AGAP1: variants seen among roughly 807,000 people sequenced by gnomAD.
AGAP1 encodes the protein ArfGAP with GTPase domain, ankyrin repeat and PH domain 1, also known as arf-GAP with GTPase, ANK repeat and PH domain-containing protein 1.
In AGAP1, 29 loss-of-function variants were observed where a neutral mutation model predicts 105.3. The observed-to-expected ratio is 0.28, with a 90% CI of 0.21 to 0.38. AGAP1 has a LOEUF of 0.38. AGAP1 is among the 10% of genes least tolerant of loss of function. The pLI, the probability that AGAP1 is intolerant of heterozygous loss-of-function variation, is 1.00. For missense variants in AGAP1, 998 were observed against 1,165.1 expected (o/e 0.86, Z 2.09); for synonymous variants, 509 against 485.9 (o/e 1.05, Z -0.63).
At chr2:235,764,085 C>A in intron 6 of AGAP1, among the ~76,000 whole-genome samples, 1 of 152,066 alleles carries the variant, frequency 6.6e-6, no homozygotes, top group Non-Finnish European at 1.5e-5. Context: ...GTGGCTGTGA[C>A]ATGTGGAGGC....
chr2:235,640,135 A>G (rs1349887696), intron 1 of AGAP1, among the ~76,000 whole-genome samples: 1 of 152,236 alleles, frequency 6.6e-6, no homozygotes, highest in African/African-American at 2.4e-5. Context: ...GGTGAGGTGG[A>G]CAGTTGCTCT....
intron 13 of AGAP1, among the ~76,000 whole-genome samples, chr2:236,031,050 A>G (rs537749987): frequency 2.0e-5 from 3 of 152,198 alleles, no homozygotes; most frequent in Non-Finnish European, 4.4e-5. Context: ...TAGCAAATCT[A>G]TGTGATGCAT....
At chr2:235,952,048 A>G (rs1001372310) in intron 12 of AGAP1, among the ~76,000 whole-genome samples, 2 of 152,164 alleles carry the variant, frequency 1.3e-5, no homozygotes, top group Middle Eastern at 3.2e-3. Context: ...CATAAGCCTC[A>G]TCTTCTCATT....
chr2:235,807,524 C>T (rs539728551), intron 9 of AGAP1, among the ~76,000 whole-genome samples, 193 bp downstream of exon 9: 9 of 152,358 alleles, frequency 5.9e-5, no homozygotes, highest in Middle Eastern at 3.4e-3. Flanking sequence ...GAAGAGGGAA[C>T]GGAGACAACA....
intron 16 of AGAP1, among the ~76,000 whole-genome samples, chr2:236,075,182 T>G (rs1385318426): frequency 6.6e-6 from 1 of 152,116 alleles, no homozygotes; most frequent in Non-Finnish European, 1.5e-5. Flanking sequence ...AAATTTCAGG[T>G]GGGCATGAGG....
In AGAP1 at chr2:235,559,911, G is replaced by A. The variant is rs1325446146; in HGVS notation, c.163+65062G>A. Reference sequence around the variant, plus strand: ...TAGACACTTATTAGATATATGATTTGCAAATATATTCTTTTTTTCTGTGGT... The same window carrying A: ...TAGACACTTATTAGATATATGATTTACAAATATATTCTTTTTTTCTGTGGT... On this transcript the variant is annotated intron_variant, in intron 1 of 17. Coordinates refer to ENST00000304032, the MANE Select transcript of AGAP1 (RefSeq NM_001037131.3). This position sits in a 1 kb window ranked among gnomAD's most constrained non-coding sequence, Gnocchi z 5.7. Among the ~76,000 whole-genome samples the A allele has an allele frequency of 6.6e-6, 1 of 151,892 alleles. No homozygotes were observed. The highest frequency in any genetic ancestry group is 1.9e-4 in the East Asian group (1 of 5,188).
chr2:235,614,337 G>A lies in AGAP1; in HGVS notation c.164-94842G>A, dbSNP rs1946238567. 6.6e-6 allele frequency among the ~76,000 whole-genome samples: 1 copy of A among 152,114 alleles called. No individual in the cohort carries two copies. The highest frequency in any genetic ancestry group is 6.5e-5 in the Admixed American group (1 of 15,284). On this transcript the variant is annotated intron_variant, in intron 1 of 17. Transcript: ENST00000304032. The surrounding 1 kb of genome is among the most constrained non-coding windows in gnomAD (Gnocchi z 4.7). The stretch of plus-strand genomic sequence containing the variant: ...GATCCGGAAAGGGCTGCTGGCGAGT[G>A]GGAGTTTTCTAGGGAGCCGCTGCTC...
rs1001758578 is a variant in AGAP1 at position 235,930,471 on chromosome 2, G to A, written c.1325-294G>A. 6.6e-5 allele frequency among the ~76,000 whole-genome samples: 10 copies of A among 152,188 alleles called. No homozygotes were observed. Among genetic ancestry groups the A allele is most frequent in the South Asian group, 2.1e-4 (1 of 4,824 alleles). ...GGGTCTTTTGTCTTCACTTCCACTC[G>A]ATGTTGCGGTTGCGGTTGGGTTGCG... On this transcript the variant is annotated intron_variant, in intron 11 of 17. Coordinates refer to ENST00000304032, the MANE Select transcript of AGAP1 (RefSeq NM_001037131.3). This position sits in a 1 kb window ranked among gnomAD's most constrained non-coding sequence, Gnocchi z 7.9.
intron 8 of AGAP1, among the ~76,000 whole-genome samples, chr2:235,803,879 A>G (rs1451552324): frequency 2.0e-5 from 3 of 152,248 alleles, no homozygotes; most frequent in Admixed American, 2.0e-4. Flanking sequence ...GAAAAAAAAC[A>G]AACATTAAAA....
At chr2:236,077,286 A>G (rs1035699973) in intron 16 of AGAP1, among the ~76,000 whole-genome samples, 1 of 150,784 alleles carries the variant, frequency 6.6e-6, no homozygotes, top group Non-Finnish European at 1.5e-5. Context: ...GGCTAAAACT[A>G]TATCATGAAC....
chr2:235,773,534 T>C (rs1189175933), intron 6 of AGAP1, among the ~76,000 whole-genome samples: 1 of 152,242 alleles, frequency 6.6e-6, no homozygotes, highest in Non-Finnish European at 1.5e-5. Context: ...CCTCAGGTCC[T>C]TTTGTTACTT....
At position 235,882,826 on chromosome 2, in the gene AGAP1, T is replaced by G. The variant is rs2050098394; in HGVS notation, c.1051-519T>G. ...TCTTTCTTTTTCTCTTTGTCTCTCCTCTCTCTTTCTTTCACTCGCTTTGTC... is the reference window on the plus strand; with the variant it reads ...TCTTTCTTTTTCTCTTTGTCTCTCCGCTCTCTTTCTTTCACTCGCTTTGTC... On this transcript the variant is annotated intron_variant, in intron 9 of 17. Transcript: ENST00000304032. This position sits in a 1 kb window ranked among gnomAD's most constrained non-coding sequence, Gnocchi z 4.6. Among the ~76,000 whole-genome samples the G allele has an allele frequency of 6.6e-6, 1 of 151,888 alleles. No homozygotes were observed. The highest frequency in any genetic ancestry group is 2.1e-4 in the South Asian group (1 of 4,812).
In AGAP1 at chr2:235,578,656, G is replaced by A. The variant is rs1349779609; in HGVS notation, c.163+83807G>A. 2.0e-5 allele frequency among the ~76,000 whole-genome samples: 3 copies of A among 151,948 alleles called. No individual in the cohort carries two copies. Among genetic ancestry groups the A allele is most frequent in the Non-Finnish European group, 4.4e-5 (3 of 68,014 alleles). On this transcript the variant is annotated intron_variant, in intron 1 of 17. Transcript: ENST00000304032. This position sits in a 1 kb window ranked among gnomAD's most constrained non-coding sequence, Gnocchi z 4.9. ...AAAAATTAGCTGGATGTGGTGGTGT[G>A]CACCTGTAATCCCAGCTACTTGGGA...
chr2:235,684,797 C>T, intron 1 of AGAP1, among the ~76,000 whole-genome samples: 1 of 152,142 alleles, frequency 6.6e-6, no homozygotes, highest in East Asian at 1.9e-4. Context: ...ACTCGTCAAT[C>T]TTAGAGGCAC....
At chr2:235,497,789 G>C (rs1400867693) in intron 1 of AGAP1, among the ~76,000 whole-genome samples, 1 of 152,092 alleles carries the variant, frequency 6.6e-6, no homozygotes, top group African/African-American at 2.4e-5. Context: ...GTAGAGACGG[G>C]GTTTCATTGT....
chr2:235,768,243 G>A (rs967242773), intron 6 of AGAP1, among the ~76,000 whole-genome samples: 12 of 152,092 alleles, frequency 7.9e-5, no homozygotes. Context: ...AGAAATTGTA[G>A]CATCTCATAT....
intron 1 of AGAP1, among the ~76,000 whole-genome samples, chr2:235,505,296 C>G (rs1941748317): frequency 6.6e-6 from 1 of 152,182 alleles, no homozygotes; most frequent in African/African-American, 2.4e-5. Flanking sequence ...AGCGCTGTGT[C>G]CTGGGAGCTG....
In AGAP1 at chr2:235,582,464, T is replaced by G. The variant is rs1228345087; in HGVS notation, c.163+87615T>G. On this transcript the variant is annotated intron_variant, in intron 1 of 17. Coordinates refer to ENST00000304032, the MANE Select transcript of AGAP1 (RefSeq NM_001037131.3). The surrounding 1 kb of genome is among the most constrained non-coding windows in gnomAD (Gnocchi z 4.7). ...GTGTCCCCTTAGACATCATGGGAGC[T>G]CATTGCATTGATGAAGCCCTCTTGA... Among the ~76,000 whole-genome samples, 1 of 152,162 alleles carries G rather than the reference T, an allele frequency of 6.6e-6. No individual in the cohort carries two copies. Among genetic ancestry groups the G allele is most frequent in the African/African-American group, 2.4e-5 (1 of 41,438 alleles).
At chr2:235,661,846 G>T (rs1462543211) in intron 1 of AGAP1, among the ~76,000 whole-genome samples, 1 of 152,202 alleles carries the variant, frequency 6.6e-6, no homozygotes, top group Non-Finnish European at 1.5e-5. Flanking sequence ...ATGTCCCTTG[G>T]CCTCTGCTGG....
Sources: allele counts gnomAD v4.1 joint callset (sites outside exome capture counted in the v4.1 genomes callset), GRCh38; gene constraint gnomAD v4.1.1; non-coding constraint Gnocchi (gnomAD v3.1); transcripts MANE v1.5; gene names NCBI Gene and HGNC (gene_info 2026-07-23, HGNC 2026-07-21).